Variants in SIL1 observed in about 807,000 individuals in gnomAD.
The protein encoded by SIL1 is nucleotide exchange factor SIL1.
SIL1 carries 40 observed loss-of-function variants against 49.1 expected under a neutral mutation model. The observed-to-expected ratio is 0.81, with a 90% confidence interval of 0.63 to 1.06. The LOEUF (loss-of-function observed/expected upper bound fraction) is 1.06. Among genes scored for constraint, SIL1 ranks in the 50% least tolerant of loss-of-function variants. SIL1 has a pLI of 0.00. For missense variants in SIL1, 500 were observed against 572.6 expected (o/e 0.87, Z 1.29); for synonymous variants, 253 against 250.8 (o/e 1.01, Z -0.08).
chr5:138,987,982 C>T (rs530706052), intron 7 of SIL1, among the ~76,000 whole-genome samples: 8 of 152,210 alleles, frequency 5.3e-5, no homozygotes, highest in Non-Finnish European at 1.0e-4. Context: ...TACAGGCATG[C>T]GCCACCATGC....
At chr5:139,023,037 C>A (rs1252593873) in intron 6 of SIL1, among the ~76,000 whole-genome samples, 1 of 152,204 alleles carries the variant, frequency 6.6e-6, no homozygotes, top group South Asian at 2.1e-4. Context: ...CAAAGCAACA[C>A]AGCCCAGAAT....
chr5:138,993,553 C>G (rs950742918), intron 7 of SIL1, among the ~76,000 whole-genome samples: 1 of 152,114 alleles, frequency 6.6e-6, no homozygotes, highest in Non-Finnish European at 1.5e-5. Flanking sequence ...AAGATATATA[C>G]GACTATGTGT....
At chr5:139,146,711 A>C (rs369519142) in intron 1 of SIL1, among the ~76,000 whole-genome samples, 1 of 152,220 alleles carries the variant, frequency 6.6e-6, no homozygotes, top group African/African-American at 2.4e-5. Flanking sequence ...ATGTGTGTTA[A>C]ATTTTATCAA....
At chr5:138,951,957 A>G (rs906048320) in intron 7 of SIL1, 73 bp from the exon 8 acceptor site, 3 of 1,294,862 alleles carry the variant, frequency 2.3e-6, no homozygotes, top group African/African-American at 2.9e-5. Context: ...AACTGAGCCC[A>G]TGTCAGCCAT....
At chr5:138,989,506 C>T (rs990002492) in intron 7 of SIL1, among the ~76,000 whole-genome samples, 2 of 151,932 alleles carry the variant, frequency 1.3e-5, no homozygotes, top group African/African-American at 4.8e-5. Flanking sequence ...GGTCACTACA[C>T]ATATCTGAGG....
At chr5:139,081,592 C>A (rs747310784) in intron 3 of SIL1, among the ~76,000 whole-genome samples, 1 of 152,178 alleles carries the variant, frequency 6.6e-6, no homozygotes, top group East Asian at 1.9e-4. Context: ...ACAAGAACCA[C>A]AGAAGACCAG....
chr5:139,165,682 G>A (rs576290421), intron 1 of SIL1, among the ~76,000 whole-genome samples: 4 of 151,342 alleles, frequency 2.6e-5, no homozygotes, highest in East Asian at 3.9e-4. Context: ...TTTTTGAGAC[G>A]GGGTCTCACC....
intron 1 of SIL1, chr5:139,137,413 T>G: frequency 1.4e-6 from 1 of 699,936 alleles, no homozygotes; most frequent in Non-Finnish European, 2.6e-6. Flanking sequence ...TCCATAGCCG[T>G]GCTGTCTCTC....
At chr5:139,023,271 G>T (rs1002078319) in intron 6 of SIL1, among the ~76,000 whole-genome samples, 1 of 152,136 alleles carries the variant, frequency 6.6e-6, no homozygotes, top group Non-Finnish European at 1.5e-5. Context: ...CATAGCCCAG[G>T]TCCACAGCTC....
chr5:139,086,234 C>T (rs896762576), intron 3 of SIL1, among the ~76,000 whole-genome samples: 1 of 145,036 alleles, frequency 6.9e-6, no homozygotes, highest in Non-Finnish European at 1.5e-5. Flanking sequence ...GACTGCACCA[C>T]TGCACTCCAG....
At chr5:139,050,238 A>G (rs1002159182) in intron 4 of SIL1, among the ~76,000 whole-genome samples, 2 of 152,174 alleles carry the variant, frequency 1.3e-5, no homozygotes, top group African/African-American at 4.8e-5. Flanking sequence ...TAGAAATTTC[A>G]TGGCTGGTAT....
At chr5:139,043,106 C>T (rs891351900) in intron 4 of SIL1, among the ~76,000 whole-genome samples, 16 of 152,184 alleles carry the variant, frequency 1.1e-4, no homozygotes, top group African/African-American at 3.9e-4. Context: ...ACTATCATAC[C>T]TTTGTCTTCA....
At chr5:139,084,791 A>T (rs901737018) in intron 3 of SIL1, among the ~76,000 whole-genome samples, 72 of 150,862 alleles carry the variant, frequency 4.8e-4, no homozygotes, top group South Asian at 8.4e-4. Flanking sequence ...TAATAAAAAT[A>T]AAAATAAATA....
intron 7 of SIL1, among the ~76,000 whole-genome samples, chr5:139,008,731 T>C (rs1479099143): frequency 6.6e-6 from 1 of 151,330 alleles, no homozygotes; most frequent in Non-Finnish European, 1.5e-5. Context: ...CCAGTAGTCA[T>C]TCAGGAGCAG....
chr5:139,154,648 G>C (rs930374051), intron 1 of SIL1, among the ~76,000 whole-genome samples: 3 of 152,178 alleles, frequency 2.0e-5, no homozygotes, highest in African/African-American at 7.2e-5. Flanking sequence ...TTGCAATATA[G>C]CTGAGGTCAG....
At chr5:139,143,303 A>ATG in intron 1 of SIL1, among the ~76,000 whole-genome samples, 1 of 71,858 alleles carries the variant, frequency 1.4e-5, no homozygotes, top group African/African-American at 7.7e-5. Context: ...GTATATACAT[A>ATG]TATACACACA....
chr5:139,004,321 T>C (rs777954115), intron 7 of SIL1, among the ~76,000 whole-genome samples: 3 of 152,182 alleles, frequency 2.0e-5, no homozygotes, highest in Non-Finnish European at 4.4e-5. Flanking sequence ...TAACCCAGTC[T>C]TTCTGTGGTT....
chr5:139,154,090 T>G (rs1392686012), intron 1 of SIL1, among the ~76,000 whole-genome samples: 1 of 152,242 alleles, frequency 6.6e-6, no homozygotes, highest in Non-Finnish European at 1.5e-5. Flanking sequence ...TGAGCCAACT[T>G]GTCCAAACTA....
chr5:139,127,752 C>G lies in SIL1; in HGVS notation c.92G>C (p.Ser31Thr). 5 of 1,610,348 alleles carry G rather than the reference C, an allele frequency of 3.1e-6. No homozygotes were observed. Among genetic ancestry groups the G allele is most frequent in the Non-Finnish European group, 3.4e-6 (4 of 1,179,222 alleles). ...LMAACFTFCL[S>T]HQNLKEFALT... ...AAAGATATTTACCAGGTTCTGATGA[C>G]TGAGGCAGAAGGTGAAGCAGGCGGC... Residue 31 changes from serine (S) to threonine (T), a missense_variant, in exon 2 of 10, where the codon AGT (serine) becomes ACT (threonine). Physicochemically the swap from Ser to Thr is moderately conservative, Grantham distance 58. Coordinates refer to ENST00000394817, the MANE Select transcript of SIL1 (RefSeq NM_022464.5).
Sources: allele counts gnomAD v4.1 joint callset (sites outside exome capture counted in the v4.1 genomes callset), GRCh38; gene constraint gnomAD v4.1.1; transcripts MANE v1.5; gene names NCBI Gene and HGNC (gene_info 2026-07-23, HGNC 2026-07-21).